ZNF521: variants seen among roughly 807,000 people sequenced by gnomAD.
The protein encoded by ZNF521 is LYST-interacting protein 3.
ZNF521 carries 14 observed loss-of-function variants against 105.5 expected under a neutral mutation model. That is an observed-to-expected ratio of 0.13 (90% CI 0.09 to 0.21). ZNF521 has a LOEUF of 0.21. ZNF521 is among the 10% of genes least tolerant of loss of function. ZNF521 has a pLI of 1.00. For synonymous variants in ZNF521, 635 were observed against 606.0 expected, an observed-to-expected ratio of 1.05 and a Z score of -0.70; for missense variants, 1,233 against 1,629.7, an observed-to-expected ratio of 0.76 and a Z score of 4.19.
chr18:25,312,353 T>A (rs1398229087), intron 3 of ZNF521, among the ~76,000 whole-genome samples: 1 of 152,106 alleles, frequency 6.6e-6, no homozygotes, highest in Non-Finnish European at 1.5e-5. Context: ...TGATAGCGAA[T>A]TTTACAAATA....
chr18:25,277,158 G>C (rs1910084806), intron 3 of ZNF521, among the ~76,000 whole-genome samples: 2 of 148,988 alleles, frequency 1.3e-5, no homozygotes, highest in Admixed American at 1.3e-4. Flanking sequence ...ACTCCAGCCT[G>C]AGTGACAGAG....
chr18:25,214,496 T>C (rs1439380190), intron 4 of ZNF521, among the ~76,000 whole-genome samples: 1 of 152,146 alleles, frequency 6.6e-6, no homozygotes, highest in Admixed American at 6.6e-5. Context: ...ATCTCAGTGA[T>C]AGTATGCTTT....
chr18:25,239,437 A>C (rs972281838), intron 3 of ZNF521, among the ~76,000 whole-genome samples: 2 of 152,326 alleles, frequency 1.3e-5, no homozygotes, highest in Non-Finnish European at 1.5e-5. Flanking sequence ...ATTACTTTCA[A>C]GCTGCGTTAG....
At chr18:25,341,734 T>A (rs1914210943) in intron 2 of ZNF521, among the ~76,000 whole-genome samples, 2 of 152,196 alleles carry the variant, frequency 1.3e-5, no homozygotes, top group African/African-American at 2.4e-5. Context: ...ACAGAAAAAG[T>A]TAACATACCA....
chr18:25,134,727 G>A (rs2034702031), intron 5 of ZNF521, among the ~76,000 whole-genome samples: 1 of 152,040 alleles, frequency 6.6e-6, no homozygotes, highest in African/African-American at 2.4e-5. Flanking sequence ...CTTCAGTTTG[G>A]CCAGCCTCCT....
intron 3 of ZNF521, among the ~76,000 whole-genome samples, chr18:25,248,330 T>C (rs1018118315): frequency 6.6e-6 from 1 of 152,132 alleles, no homozygotes; most frequent in African/African-American, 2.4e-5. Flanking sequence ...AGGAAGAACA[T>C]CTGCAAAAAT....
chr18:25,066,816 AAG>A (rs2033073962), intron 7 of ZNF521, among the ~76,000 whole-genome samples: 1 of 152,194 alleles, frequency 6.6e-6, no homozygotes, highest in African/African-American at 2.4e-5. Context: ...CTCTCTGTGC[AAG>A]AGTTTTCAGC....
At chr18:25,309,892 T>C (rs1912198506) in intron 3 of ZNF521, among the ~76,000 whole-genome samples, 2 of 152,188 alleles carry the variant, frequency 1.3e-5, no homozygotes, top group African/African-American at 2.4e-5. Context: ...AAAAAATATA[T>C]CTTAGTGCTT....
Position 25,230,568 on chromosome 18 carries a change from G to A in ZNF521, c.221-2871C>T, listed in dbSNP as rs957082735. Among the ~76,000 whole-genome samples the A allele has an allele frequency of 2.0e-5, 3 of 151,462 alleles. No homozygotes were observed. The East Asian group carries it at 5.9e-4, about 30-fold the overall frequency. On this transcript the variant is annotated intron_variant, in intron 3 of 7. Transcript: ENST00000361524. ...TTAAATGGTGAATATAGGTTTAAAC[G>A]ATGTCAATTTCTTTTTACACGTGGA... is the stretch of plus-strand genomic sequence containing the variant.
intron 3 of ZNF521, among the ~76,000 whole-genome samples, chr18:25,284,162 G>A (rs1176450134): frequency 1.9e-4 from 29 of 152,138 alleles, no homozygotes; most frequent in Admixed American, 1.9e-3. Flanking sequence ...CTAGAAAAGT[G>A]CACACACAAG....
intron 3 of ZNF521, among the ~76,000 whole-genome samples, chr18:25,276,621 C>G (rs1263845201): frequency 6.6e-6 from 1 of 152,162 alleles, no homozygotes; most frequent in Non-Finnish European, 1.5e-5. Context: ...ATTAATGCTG[C>G]CTGCCTAATT....
At position 25,322,182 on chromosome 18, in the gene ZNF521, T is replaced by C. The variant is rs1467209346; in HGVS notation, c.46A>G (p.Asn16Asp). The C allele has an allele frequency of 1.2e-6, 2 of 1,614,070 alleles. No individual in the cohort carries two copies. Among genetic ancestry groups the C allele is most frequent in the Non-Finnish European group, 1.7e-6 (2 of 1,180,018 alleles). ...TCAGTCTTGTCTTCAAGTTTACAGTTGGGGTCTGAAAAATATCAACACTGT... is the reference window on the plus strand; with the variant it reads ...TCAGTCTTGTCTTCAAGTTTACAGTCGGGGTCTGAAAAATATCAACACTGT... ...QAKPRSLKDP[N>D]CKLEDKTEDG... is the part of the protein sequence containing the mutation. The change falls in exon 3 of 8, where the codon AAC becomes GAC. Residue 16 changes from asparagine (N) to aspartate (D), a missense_variant. Physicochemically the swap from Asn to Asp is conservative, Grantham distance 23. Around this residue, in one of 6 missense-constraint regions of ZNF521, gnomAD observed 76 missense variants for 79.3 expected, o/e 0.96. Transcript: ENST00000361524.
At chr18:25,304,259 T>C (rs1343851068) in intron 3 of ZNF521, among the ~76,000 whole-genome samples, 4 of 152,254 alleles carry the variant, frequency 2.6e-5, no homozygotes, top group African/African-American at 4.8e-5. Flanking sequence ...CATATTTCTG[T>C]TGAATTAAGA....
At chr18:25,070,562 G>C (rs766788577) in intron 7 of ZNF521, among the ~76,000 whole-genome samples, 26 of 152,268 alleles carry the variant, frequency 1.7e-4, no homozygotes, top group Non-Finnish European at 3.7e-4. Flanking sequence ...GAAGGCCAGT[G>C]GGGCTTGCCT....
At chr18:25,297,519 A>C (rs1911391825) in intron 3 of ZNF521, among the ~76,000 whole-genome samples, 1 of 152,210 alleles carries the variant, frequency 6.6e-6, no homozygotes, top group Non-Finnish European at 1.5e-5. Flanking sequence ...AGAATTTATC[A>C]CAAGAAAATA....
intron 2 of ZNF521, among the ~76,000 whole-genome samples, chr18:25,336,369 T>C (rs182168656): frequency 6.6e-6 from 1 of 152,322 alleles, no homozygotes; most frequent in East Asian, 1.9e-4. Context: ...TCTGCTATGA[T>C]TAAACTTTCA....
intron 4 of ZNF521, among the ~76,000 whole-genome samples, chr18:25,214,348 A>T (rs1265296974): frequency 2.6e-5 from 4 of 152,024 alleles, no homozygotes; most frequent in Non-Finnish European, 5.9e-5. Flanking sequence ...AATATTATTT[A>T]TCTCTGGTTC....
chr18:25,289,891 A>G (rs1600263268), intron 3 of ZNF521, among the ~76,000 whole-genome samples: 2 of 152,338 alleles, frequency 1.3e-5, no homozygotes, highest in East Asian at 1.9e-4. Context: ...CGTGTTCAAG[A>G]AAGTTTTTCA....
chr18:25,170,101 GA>G (rs1365775357), intron 5 of ZNF521, among the ~76,000 whole-genome samples: 1 of 151,466 alleles, frequency 6.6e-6, no homozygotes, highest in Non-Finnish European at 1.5e-5. Context: ...GATGTTAATA[GA>G]AGTAGTTTTC....
Sources: gnomAD v4.1 joint callset for allele counts (sites outside exome capture counted in the v4.1 genomes callset) on GRCh38, gnomAD v4.1.1 for gene constraint, gnomAD v4.1.1 regional missense constraint, MANE v1.5 for transcripts, NCBI Gene and HGNC (gene_info 2026-07-23, HGNC 2026-07-21) for gene names.